The following CTDSPL variants were observed in gnomAD, a reference collection of about 807,000 sequenced individuals.
CTDSPL encodes the protein CTD small phosphatase-like protein.
Under a neutral mutation model 30.5 loss-of-function variants are expected in CTDSPL, and 8 were observed. That is an observed-to-expected ratio of 0.26 (90% CI 0.15 to 0.47). The LOEUF (loss-of-function observed/expected upper bound fraction) is 0.47, where lower values mean the gene tolerates loss of function less well. Among genes scored for constraint, CTDSPL ranks in the 20% least tolerant of loss-of-function variants. CTDSPL has a pLI of 0.99. For missense variants in CTDSPL, 248 were observed against 366.1 expected (o/e 0.68, Z 2.63); for synonymous variants, 110 against 137.9 (o/e 0.80, Z 1.42).
chr3:37,975,600 AATT>A lies in CTDSPL; in HGVS notation c.520-104_520-102del. 2.1e-6 allele frequency: 2 copies of A among 939,322 alleles called. No homozygotes were observed. The highest frequency in any genetic ancestry group is 3.2e-6 in the Non-Finnish European group (2 of 626,492). The allele number at this position is 939,322 out of a possible 1,614,324, so 58.2% of individuals were successfully genotyped here. A position where few individuals can be genotyped will look rare whatever the true frequency, so the allele number is the denominator to read the frequency against. ...ATAACCAGGATCCTAAGACACATCTAATTATTAAATCCATTTTTAAAAAACGTA... is the reference window on the plus strand; with the variant it reads ...ATAACCAGGATCCTAAGACACATCTAATTAAATCCATTTTTAAAAAACGTA... On this transcript the variant is annotated intron_variant, in intron 6 of 7. Coordinates refer to ENST00000273179, the MANE Select transcript of CTDSPL (RefSeq NM_001008392.2). This position sits in a 1 kb window ranked among gnomAD's most constrained non-coding sequence, Gnocchi z 4.9.
At chr3:37,866,106 TG>T (rs1195783924) in intron 1 of CTDSPL, among the ~76,000 whole-genome samples, 1 of 152,250 alleles carries the variant, frequency 6.6e-6, no homozygotes, top group Non-Finnish European at 1.5e-5. Context: ...TTTCACTTAA[TG>T]GCTACATTGC....
intron 3 of CTDSPL, among the ~76,000 whole-genome samples, chr3:37,957,542 C>A (rs1045067650): frequency 3.3e-5 from 5 of 152,194 alleles, no homozygotes; most frequent in African/African-American, 1.2e-4. Flanking sequence ...GATTCAGTCC[C>A]AGTGGAACTG....
At chr3:37,901,683 A>G (rs905965514) in intron 1 of CTDSPL, among the ~76,000 whole-genome samples, 1 of 152,172 alleles carries the variant, frequency 6.6e-6, no homozygotes, top group African/African-American at 2.4e-5. Flanking sequence ...GTACCATCCA[A>G]TGGAAATATG....
chr3:37,971,936 G>A (rs1221330803), intron 6 of CTDSPL, among the ~76,000 whole-genome samples: 5 of 152,246 alleles, frequency 3.3e-5, no homozygotes, highest in Admixed American at 3.3e-4. Context: ...TGCTTGGGCT[G>A]AATGAGAGTT....
At chr3:37,948,058 C>T (rs982778664) in intron 2 of CTDSPL, among the ~76,000 whole-genome samples, 3 of 152,028 alleles carry the variant, frequency 2.0e-5, no homozygotes, top group African/African-American at 4.8e-5. Flanking sequence ...CCAAGGCGGG[C>T]AGATCACCTG....
chr3:37,963,419 G>C (rs998456572), intron 3 of CTDSPL, among the ~76,000 whole-genome samples: 1 of 152,172 alleles, frequency 6.6e-6, no homozygotes, highest in Non-Finnish European at 1.5e-5. Context: ...AAAGAGGAAA[G>C]AGCCACGTAA....
intron 1 of CTDSPL, among the ~76,000 whole-genome samples, chr3:37,931,304 C>T (rs1282670036): frequency 6.6e-6 from 1 of 152,012 alleles, no homozygotes; most frequent in African/African-American, 2.4e-5. Flanking sequence ...CACTCCACTT[C>T]AACTAGCCAA....
At chr3:37,954,440 A>T (rs376982941) in intron 2 of CTDSPL, 78 of 152,266 alleles carry the variant, frequency 5.1e-4, no homozygotes, top group African/African-American at 1.5e-3. Flanking sequence ...CCAGAGGAGG[A>T]CCCTCTACCT....
chr3:37,910,495 C>A (rs944060866), intron 1 of CTDSPL, among the ~76,000 whole-genome samples: 33 of 151,144 alleles, frequency 2.2e-4, no homozygotes, highest in Non-Finnish European at 2.9e-4. Context: ...ACAACAACAA[C>A]AAAAAAACAA....
chr3:37,882,478 G>A (rs1039895035), intron 1 of CTDSPL, among the ~76,000 whole-genome samples: 10 of 150,928 alleles, frequency 6.6e-5, no homozygotes, highest in Middle Eastern at 3.6e-3. Flanking sequence ...TTAGCAGGAT[G>A]CAGTGGTGCA....
At chr3:37,938,720 G>T (rs781147873) in intron 1 of CTDSPL, among the ~76,000 whole-genome samples, 2 of 146,324 alleles carry the variant, frequency 1.4e-5, no homozygotes, top group Non-Finnish European at 3.0e-5. Flanking sequence ...TTGCTCTGTT[G>T]CCCAGGCTGG....
chr3:37,903,179 G>A (rs1410909927), intron 1 of CTDSPL, among the ~76,000 whole-genome samples: 1 of 152,198 alleles, frequency 6.6e-6, no homozygotes, highest in Non-Finnish European at 1.5e-5. Context: ...AGATGGAGGA[G>A]AGGACTTGGG....
chr3:37,910,380 C>G (rs1269738125), intron 1 of CTDSPL, among the ~76,000 whole-genome samples: 1 of 152,100 alleles, frequency 6.6e-6, no homozygotes, highest in East Asian at 1.9e-4. Context: ...ACTCAGGAGG[C>G]CAAGGCAGGA....
chr3:37,951,395 G>A (rs909355617), intron 2 of CTDSPL, among the ~76,000 whole-genome samples: 15 of 151,702 alleles, frequency 9.9e-5, no homozygotes, highest in African/African-American at 3.4e-4. Context: ...TTAGAAATAG[G>A]CTGGGTGCAG....
chr3:37,948,869 G>A (rs1242449347), intron 2 of CTDSPL, among the ~76,000 whole-genome samples: 2 of 139,178 alleles, frequency 1.4e-5, no homozygotes, highest in African/African-American at 5.6e-5. Context: ...GCCGGACTGC[G>A]GACTGCAGTG....
chr3:37,891,807 A>T (rs995701165), intron 1 of CTDSPL, among the ~76,000 whole-genome samples: 1 of 152,184 alleles, frequency 6.6e-6, no homozygotes, highest in Non-Finnish European at 1.5e-5. Context: ...AGGATGATGT[A>T]CTGGTCCATA....
intron 7 of CTDSPL, among the ~76,000 whole-genome samples, chr3:37,978,367 AT>A (rs988635717): frequency 6.6e-6 from 1 of 152,116 alleles, no homozygotes; most frequent in African/African-American, 2.4e-5. Context: ...AGTGTCTTGG[AT>A]TTTGGATTTT....
intron 1 of CTDSPL, among the ~76,000 whole-genome samples, chr3:37,872,976 G>A (rs943896471): frequency 6.6e-6 from 1 of 152,204 alleles, no homozygotes; most frequent in East Asian, 1.9e-4. Flanking sequence ...CTGGCTGTGA[G>A]TGAAAGCCCT....
At chr3:37,901,252 G>GT (rs1698447780) in intron 1 of CTDSPL, among the ~76,000 whole-genome samples, 1 of 152,158 alleles carries the variant, frequency 6.6e-6, no homozygotes, top group African/African-American at 2.4e-5. Context: ...ATGCTCCAAA[G>GT]GGACCTGGGT....
Sources: gnomAD v4.1 joint callset for allele counts (sites outside exome capture counted in the v4.1 genomes callset) on GRCh38, gnomAD v4.1.1 for gene constraint, Gnocchi (gnomAD v3.1) non-coding constraint, MANE v1.5 for transcripts, NCBI Gene and HGNC (gene_info 2026-07-23, HGNC 2026-07-21) for gene names.